Variants in EYA2 observed in about 807,000 individuals in gnomAD.
The protein encoded by EYA2 is protein phosphatase EYA2.
In EYA2, 31 loss-of-function variants were observed where a neutral mutation model predicts 69.2. The observed-to-expected ratio is 0.45, with a 90% CI of 0.34 to 0.60. The LOEUF is 0.60. Among genes scored for constraint, EYA2 ranks in the 20% least tolerant of loss-of-function variants. The pLI, the probability that EYA2 is intolerant of heterozygous loss-of-function variation, is 0.02. For missense variants in EYA2, 622 were observed against 701.2 expected (o/e 0.89, Z 1.28); for synonymous variants, 257 against 279.4 (o/e 0.92, Z 0.80).
chr20:47,181,182 G>A (rs2034530856), intron 14 of EYA2, among the ~76,000 whole-genome samples: 1 of 152,298 alleles, frequency 6.6e-6, no homozygotes, highest in South Asian at 2.1e-4. Context: ...CAAAGCTGCT[G>A]TAACAAACAC....
chr20:47,055,351 G>A (rs531744663), intron 5 of EYA2, among the ~76,000 whole-genome samples: 48 of 152,188 alleles, frequency 3.2e-4, no homozygotes, highest in Non-Finnish European at 6.2e-4. Flanking sequence ...TAGGTATTTG[G>A]TCTTGGGATC....
intron 1 of EYA2, among the ~76,000 whole-genome samples, chr20:46,906,907 C>G (rs985891940): frequency 6.6e-6 from 1 of 152,160 alleles, no homozygotes; most frequent in African/African-American, 2.4e-5. Flanking sequence ...TGTTAAATCT[C>G]AGTTATAATT....
chr20:46,973,365 T>C (rs1354629666), intron 1 of EYA2, among the ~76,000 whole-genome samples: 1 of 152,192 alleles, frequency 6.6e-6, no homozygotes, highest in Non-Finnish European at 1.5e-5. Flanking sequence ...ATTAAATAAA[T>C]GTAGGCGATA....
chr20:47,145,242 G>C (rs903818765), intron 10 of EYA2, among the ~76,000 whole-genome samples: 2 of 152,052 alleles, frequency 1.3e-5, no homozygotes, highest in African/African-American at 4.8e-5. Flanking sequence ...GCATTCTTGA[G>C]GGGGCCGGTC....
chr20:47,026,297 T>TA (rs1984078851), intron 5 of EYA2, among the ~76,000 whole-genome samples: 2 of 152,202 alleles, frequency 1.3e-5, no homozygotes, highest in Non-Finnish European at 1.5e-5. Flanking sequence ...GTTTAAATGT[T>TA]AAAAATAAAA....
chr20:47,177,784 G>A (rs1173189384), intron 12 of EYA2, among the ~76,000 whole-genome samples: 1 of 152,184 alleles, frequency 6.6e-6, no homozygotes, highest in Non-Finnish European at 1.5e-5. Context: ...TCAAGCACAG[G>A]CCAGCCCCTG....
intron 5 of EYA2, among the ~76,000 whole-genome samples, chr20:47,019,215 G>A (rs970893170): frequency 2.6e-5 from 4 of 152,042 alleles, no homozygotes; most frequent in African/African-American, 4.8e-5. Context: ...ACCAGCCAAC[G>A]TCTCCAGCTC....
At chr20:46,928,470 A>G (rs57066598) in intron 1 of EYA2, among the ~76,000 whole-genome samples, 3,875 of 152,250 alleles carry the variant, frequency 0.025, 189 homozygotes, top group African/African-American at 0.088. Flanking sequence ...TCCTCACTGG[A>G]GCCCTATAAG....
chr20:47,115,419 T>C (rs924022281), intron 9 of EYA2, among the ~76,000 whole-genome samples: 2 of 152,172 alleles, frequency 1.3e-5, no homozygotes, highest in South Asian at 4.1e-4. Context: ...TCCTTCTTTT[T>C]TACTCCTGTT....
At chr20:46,946,179 T>G (rs897321189) in intron 1 of EYA2, among the ~76,000 whole-genome samples, 16 of 152,298 alleles carry the variant, frequency 1.1e-4, no homozygotes, top group Middle Eastern at 3.4e-3. Flanking sequence ...CCTGCAGGAT[T>G]GCTGGACCCT....
chr20:47,061,144 G>A (rs4809619), intron 5 of EYA2, among the ~76,000 whole-genome samples: 36,652 of 151,852 alleles, frequency 0.24, 4,554 homozygotes, highest in South Asian at 0.29. Flanking sequence ...ATGAGCCACC[G>A]CACCCAGCCC....
At chr20:46,973,514 G>T (rs1980267044) in intron 1 of EYA2, among the ~76,000 whole-genome samples, 1 of 152,208 alleles carries the variant, frequency 6.6e-6, no homozygotes, top group Non-Finnish European at 1.5e-5. Context: ...TGTGAATTTT[G>T]TTAGATGTGA....
chr20:47,003,079 T>A (rs1982479062), intron 3 of EYA2, among the ~76,000 whole-genome samples: 1 of 152,204 alleles, frequency 6.6e-6, no homozygotes, highest in Non-Finnish European at 1.5e-5. Context: ...AACATTTACC[T>A]GTACGCTTAA....
At chr20:46,993,651 G>T (rs1981832182) in intron 2 of EYA2, among the ~76,000 whole-genome samples, 1 of 152,190 alleles carries the variant, frequency 6.6e-6, no homozygotes, top group South Asian at 2.1e-4. Flanking sequence ...CCCACGCTAG[G>T]GTGCTGACAA....
At chr20:47,070,355 C>T (rs918380290) in intron 5 of EYA2, among the ~76,000 whole-genome samples, 5 of 152,218 alleles carry the variant, frequency 3.3e-5, no homozygotes, top group African/African-American at 4.8e-5. Flanking sequence ...TGAGATACAA[C>T]CACATACTTC....
At chr20:46,958,368 A>G (rs911286005) in intron 1 of EYA2, among the ~76,000 whole-genome samples, 24 of 152,174 alleles carry the variant, frequency 1.6e-4, no homozygotes, top group African/African-American at 5.3e-4. Flanking sequence ...GATGGGGATG[A>G]CTTAGGCAGG....
intron 5 of EYA2, among the ~76,000 whole-genome samples, chr20:47,027,834 T>G (rs758542777): frequency 2.6e-5 from 4 of 152,196 alleles, no homozygotes; most frequent in Admixed American, 6.5e-5. Context: ...GGAATTGAAT[T>G]TTTAATTTTG....
intron 9 of EYA2, chr20:47,117,337 G>A: frequency 1.0e-6 from 1 of 982,668 alleles, no homozygotes; most frequent in Non-Finnish European, 1.2e-6. Context: ...TCCATCCCCA[G>A]GCCATCCTTT....
chr20:47,123,117 T>C (rs1333785115), intron 9 of EYA2, among the ~76,000 whole-genome samples: 1 of 152,170 alleles, frequency 6.6e-6, no homozygotes, highest in Non-Finnish European at 1.5e-5. Flanking sequence ...TTTGGAGCTG[T>C]ACCTCCTATG....
Sources: gnomAD v4.1 joint callset for allele counts (sites outside exome capture counted in the v4.1 genomes callset) on GRCh38, gnomAD v4.1.1 for gene constraint, MANE v1.5 for transcripts, NCBI Gene and HGNC (gene_info 2026-07-23, HGNC 2026-07-21) for gene names.